TMEM131: variants seen among roughly 807,000 people sequenced by gnomAD.
TMEM131 encodes the protein 2610524E03Rik.
TMEM131 carries 66 observed loss-of-function variants against 211.6 expected under a neutral mutation model. That is an observed-to-expected ratio of 0.31 (90% CI 0.26 to 0.38). TMEM131 has a LOEUF of 0.38. Among genes scored for constraint, TMEM131 ranks in the 10% least tolerant of loss-of-function variants. The probability of loss-of-function intolerance (pLI) is 1.00; values close to 1 mark genes in which losing one functional copy is unlikely to be tolerated. For synonymous variants in TMEM131, 844 were observed against 841.3 expected, an observed-to-expected ratio of 1.00 and a Z score of -0.06; for missense variants, 2,036 against 2,299.3, an observed-to-expected ratio of 0.89 and a Z score of 2.34.
At chr2:97,929,603 C>CTT (rs1398826477) in intron 1 of TMEM131, among the ~76,000 whole-genome samples, 5 of 151,748 alleles carry the variant, frequency 3.3e-5, no homozygotes, top group African/African-American at 1.2e-4. Context: ...GCCAAGCATC[C>CTT]TTTTCTCCTT....
At chr2:97,841,625 CCAAAATTCA>C in intron 7 of TMEM131, among the ~76,000 whole-genome samples, 181 bp downstream of exon 7, 1 of 11,950 alleles carries the variant, frequency 8.4e-5, no homozygotes, top group Non-Finnish European at 3.1e-4. Context: ...CTGCTGTATT[CCAAAATTCA>C]GACTGCTGTA....
intron 35 of TMEM131, among the ~76,000 whole-genome samples, chr2:97,765,600 T>C (rs1679122198): frequency 6.6e-6 from 1 of 152,186 alleles, no homozygotes; most frequent in Admixed American, 6.5e-5. Context: ...ACTGTCTTGA[T>C]TTACTGCAGG....
chr2:97,821,710 A>G (rs1020789594), intron 11 of TMEM131, among the ~76,000 whole-genome samples: 2 of 152,128 alleles, frequency 1.3e-5, no homozygotes, highest in Admixed American at 1.3e-4. Context: ...TTCACTTGCT[A>G]TTCTGTCCTA....
chr2:97,832,505 G>C (rs1371801905), intron 11 of TMEM131, among the ~76,000 whole-genome samples: 4 of 152,104 alleles, frequency 2.6e-5, no homozygotes, highest in Non-Finnish European at 4.4e-5. Flanking sequence ...TTCCTCGCTG[G>C]GGTTTGTATA....
intron 39 of TMEM131, chr2:97,759,318 T>C (rs757736007): frequency 3.6e-6 from 2 of 552,358 alleles, no homozygotes; most frequent in Non-Finnish European, 6.5e-6. Context: ...GAAGCTTCCA[T>C]GGTGACCTCT....
chr2:97,793,325 AT>A, intron 30 of TMEM131, 69 bp downstream of exon 30: 1 of 1,477,116 alleles, frequency 6.8e-7, no homozygotes, highest in Non-Finnish European at 9.1e-7. Context: ...AAAGAAACTT[AT>A]TTTTTATTGT....
At chr2:97,943,058 AAAGAAAGAAAGAAAGAAAG>A (rs1559464584) in intron 1 of TMEM131, among the ~76,000 whole-genome samples, 1 of 80,022 alleles carries the variant, frequency 1.2e-5, no homozygotes, top group Non-Finnish European at 2.8e-5. Context: ...AGAAAGAAAG[AAAGAAAGAAAGAAAGAAAG>A]AAAGAAAGAA....
intron 33 of TMEM131, among the ~76,000 whole-genome samples, chr2:97,768,328 C>T (rs1356734135): frequency 1.3e-5 from 2 of 152,170 alleles, no homozygotes. Context: ...TCTAAAAAAA[C>T]CCCAAAGGCT....
At chr2:97,898,359 C>T (rs1199798501) in intron 3 of TMEM131, among the ~76,000 whole-genome samples, 1 of 152,074 alleles carries the variant, frequency 6.6e-6, no homozygotes, top group African/African-American at 2.4e-5. Context: ...TCCCCCACCC[C>T]ACCCGCTACC....
intron 4 of TMEM131, among the ~76,000 whole-genome samples, chr2:97,860,872 G>C (rs1208460150): frequency 1.3e-5 from 2 of 152,192 alleles, no homozygotes; most frequent in Non-Finnish European, 2.9e-5. Flanking sequence ...CACTGAAAGA[G>C]GCAATGAAGA....
intron 17 of TMEM131, among the ~76,000 whole-genome samples, chr2:97,812,068 C>T (rs1002504725): frequency 6.6e-6 from 1 of 152,140 alleles, no homozygotes; most frequent in African/African-American, 2.4e-5. Flanking sequence ...TATTTTCTAC[C>T]AATGTTCAGG....
chr2:97,982,674 A>G (rs1396437657), intron 1 of TMEM131, among the ~76,000 whole-genome samples: 1 of 152,196 alleles, frequency 6.6e-6, no homozygotes. Context: ...GTTACCTTAC[A>G]TGGCAAAAGG....
chr2:97,765,256 TG>T (rs1262681085), intron 35 of TMEM131: 1 of 152,174 alleles, frequency 6.6e-6, no homozygotes, highest in Non-Finnish European at 1.5e-5. Flanking sequence ...CTTTCCAGGA[TG>T]TATCTACACA....
At chr2:97,992,275 T>C (rs1020162783) in intron 1 of TMEM131, among the ~76,000 whole-genome samples, 5 of 152,256 alleles carry the variant, frequency 3.3e-5, no homozygotes, top group African/African-American at 1.2e-4. Flanking sequence ...TAGATTCTTA[T>C]CTGTTTTCTT....
intron 2 of TMEM131, among the ~76,000 whole-genome samples, chr2:97,922,075 T>C (rs1342284123): frequency 2.6e-5 from 4 of 152,112 alleles, no homozygotes; most frequent in Admixed American, 1.3e-4. Flanking sequence ...TTTCCATGGA[T>C]GGGGGGTTAG....
At chr2:97,981,981 C>T (rs1427630669) in intron 1 of TMEM131, among the ~76,000 whole-genome samples, 1 of 152,136 alleles carries the variant, frequency 6.6e-6, no homozygotes, top group African/African-American at 2.4e-5. Context: ...ATAAATAATG[C>T]TGCTATGAAT....
intron 3 of TMEM131, among the ~76,000 whole-genome samples, chr2:97,905,972 A>G (rs139181102): frequency 1.7e-4 from 26 of 152,350 alleles, no homozygotes; most frequent in African/African-American, 6.3e-4. Flanking sequence ...TATAAAGCAT[A>G]TGTGTTGATG....
chr2:97,968,366 CTT>C (rs1333795760), intron 1 of TMEM131, among the ~76,000 whole-genome samples: 1 of 151,990 alleles, frequency 6.6e-6, no homozygotes, highest in Non-Finnish European at 1.5e-5. Context: ...AGTGTTAACA[CTT>C]TGAGACACCA....
chr2:97,888,227 A>T, intron 3 of TMEM131, 107 bp from the exon 4 acceptor site: 1 of 823,238 alleles, frequency 1.2e-6, no homozygotes, highest in South Asian at 2.1e-5. Flanking sequence ...ATTTTAAGAA[A>T]AATTGGGTCT....
Sources: gnomAD v4.1 joint callset for allele counts (sites outside exome capture counted in the v4.1 genomes callset) on GRCh38, gnomAD v4.1.1 for gene constraint, MANE v1.5 for transcripts, NCBI Gene and HGNC (gene_info 2026-07-23, HGNC 2026-07-21) for gene names.